ZNF284: variants seen among roughly 807,000 people sequenced by gnomAD.
ZNF284 encodes the protein zinc finger protein 284.
Under a neutral mutation model 12.9 loss-of-function variants are expected in ZNF284, and 12 were observed. The ratio of observed to expected loss-of-function variants is 0.93; its 90% CI spans 0.60 to 1.51. The LOEUF is 1.51. Among genes scored for constraint, ZNF284 ranks in the 40% most tolerant of loss-of-function variants. The probability of loss-of-function intolerance (pLI) is 0.00; values close to 1 mark genes in which losing one functional copy is unlikely to be tolerated. For missense variants in ZNF284, 667 were observed against 707.3 expected (o/e 0.94, Z 0.65); for synonymous variants, 225 against 236.5 (o/e 0.95, Z 0.45).
At chr19:44,085,541 TTA>T (rs201199267) in intron 4 of ZNF284, among the ~76,000 whole-genome samples, 171 bp from the exon 5 acceptor site, 1,793 of 152,328 alleles carry the variant, frequency 0.012, 28 homozygotes, top group African/African-American at 0.04. Context: ...GTATGAGACA[TTA>T]TGTCATTCAA....
rs780158340 is a variant in ZNF284 at position 44,082,080 on chromosome 19, A to G, written c.210A>G (p.Thr70=). The part of the protein sequence containing the change: ...QREEKFWIME[T]ATQREGNSGG... ...AAGAAAAGTTTTGGATCATGGAGACAGCAACCCAAAGAGAAGGGAATTCAG... is the reference window on the plus strand; with the variant it reads ...AAGAAAAGTTTTGGATCATGGAGACGGCAACCCAAAGAGAAGGGAATTCAG... The change falls in exon 4 of 5, where the codon ACA becomes ACG. Residue 70 remains threonine (T), a synonymous_variant. Coordinates refer to ENST00000421176, the MANE Select transcript of ZNF284 (RefSeq NM_001037813.4). 1.2e-6 allele frequency: 2 copies of G among 1,613,682 alleles called. No individual in the cohort carries two copies. Among genetic ancestry groups the G allele is most frequent in the Admixed American group, 1.7e-5 (1 of 59,968 alleles).
intron 4 of ZNF284, among the ~76,000 whole-genome samples, chr19:44,082,699 C>T (rs1967148155): frequency 6.6e-6 from 1 of 152,186 alleles, no homozygotes; most frequent in Admixed American, 6.5e-5. Flanking sequence ...AGGCACTGTC[C>T]ACACTCCTTG....
chr19:44,084,890 A>G (rs1599881074), intron 4 of ZNF284, among the ~76,000 whole-genome samples: 1 of 151,854 alleles, frequency 6.6e-6, no homozygotes, highest in East Asian at 2.0e-4. Context: ...CATCATGAGT[A>G]CCCTCTCTGA....
At chr19:44,083,499 AG>A (rs1967168423) in intron 4 of ZNF284, among the ~76,000 whole-genome samples, 3 of 71,860 alleles carry the variant, frequency 4.2e-5, no homozygotes, top group African/African-American at 8.7e-5. Flanking sequence ...AGAGAGAGAG[AG>A]AGGGAATGGA....
chr19:44,079,209 A>G (rs1363106685), intron 2 of ZNF284, among the ~76,000 whole-genome samples: 4 of 152,266 alleles, frequency 2.6e-5, no homozygotes. Flanking sequence ...ATAAAGATAG[A>G]TCATCAGTTC....
chr19:44,086,435 C>A lies in ZNF284; in HGVS notation c.957C>A (p.Thr319=). 6.2e-7 allele frequency: 1 copy of A among 1,613,966 alleles called. No homozygotes were observed. Among genetic ancestry groups the A allele is most frequent in the Non-Finnish European group, 8.5e-7 (1 of 1,179,924 alleles). ...AAGAGAAATCATTTAGATGTGATAC[C>A]TGTAGTAATAGCTTTGGTCAGAGAT... The part of the protein sequence containing the change: ...HMQEKSFRCD[T]CSNSFGQRSA... Residue 319 remains threonine (T), a synonymous_variant, in exon 5 of 5, where the codon ACC becomes ACA. Coordinates refer to ENST00000421176, the MANE Select transcript of ZNF284 (RefSeq NM_001037813.4).
At chr19:44,079,452 G>T (rs990651262) in intron 2 of ZNF284, among the ~76,000 whole-genome samples, 6 of 151,956 alleles carry the variant, frequency 3.9e-5, no homozygotes, top group Non-Finnish European at 8.8e-5. Flanking sequence ...GCTCATGCCT[G>T]TAATCCCAGC....
chr19:44,073,186 C>T (rs1210966273), intron 1 of ZNF284, among the ~76,000 whole-genome samples: 1 of 152,188 alleles, frequency 6.6e-6, no homozygotes, highest in Non-Finnish European at 1.5e-5. Context: ...GAATAGTCAC[C>T]TAAGCAGTAA....
intron 1 of ZNF284, among the ~76,000 whole-genome samples, chr19:44,074,415 T>C (rs1966998039): frequency 6.6e-6 from 1 of 152,098 alleles, no homozygotes; most frequent in Non-Finnish European, 1.5e-5. Context: ...ATTTGAAACC[T>C]ATAGAAAAAT....
rs971546211 is a variant in ZNF284, at chr19:44,084,844, C to T, written c.236-870C>T. 4.6e-5 allele frequency among the ~76,000 whole-genome samples: 7 copies of T among 152,220 alleles called. No individual in the cohort carries two copies. In the East Asian group the frequency reaches 1.4e-3, roughly 30 times the overall value. ...GTGCAGCTCTCAAAATAGCGCTGTG[C>T]CATAGCTGCTTGAGTCTCAGGAAGT... On this transcript the variant is annotated intron_variant, in intron 4 of 4. Transcript: ENST00000421176.
At chr19:44,082,948 G>A (rs1307874765) in intron 4 of ZNF284, among the ~76,000 whole-genome samples, 3 of 152,044 alleles carry the variant, frequency 2.0e-5, no homozygotes, top group Admixed American at 6.6e-5. Context: ...CAGGTTCATA[G>A]GTCCTGGGAA....
intron 4 of ZNF284, among the ~76,000 whole-genome samples, chr19:44,084,161 A>T (rs1483145861): frequency 6.6e-6 from 1 of 152,190 alleles, no homozygotes; most frequent in African/African-American, 2.4e-5. Context: ...TGGTGCAGGC[A>T]GATGTAGGCT....
At chr19:44,076,832 T>C (rs1216551727) in intron 2 of ZNF284, among the ~76,000 whole-genome samples, 2 of 151,776 alleles carry the variant, frequency 1.3e-5, no homozygotes, top group Non-Finnish European at 2.9e-5. Context: ...TTTTTTTTTT[T>C]TCCTCGAGAC....
intron 2 of ZNF284, among the ~76,000 whole-genome samples, chr19:44,078,032 A>G (rs1311480749): frequency 1.3e-5 from 2 of 152,226 alleles, no homozygotes; most frequent in Admixed American, 1.3e-4. Context: ...ATAGAGTGTT[A>G]CCAGGGAATA....
At chr19:44,079,586 G>A (rs1307432077) in intron 2 of ZNF284, among the ~76,000 whole-genome samples, 1 of 151,420 alleles carries the variant, frequency 6.6e-6, no homozygotes, top group East Asian at 1.9e-4. Flanking sequence ...GTGGGCGCCT[G>A]TAGTCCCAGC....
rs755514930 is a variant in ZNF284, at chr19:44,086,936, A to C, written c.1458A>C (p.Glu486Asp). The C allele has an allele frequency of 1.2e-6, 2 of 1,614,230 alleles. No homozygotes were observed. Among genetic ancestry groups the C allele is most frequent in the Non-Finnish European group, 1.7e-6 (2 of 1,180,046 alleles). ...LHTGEKPFKC[E>D]ECGKRFTENS... ...CTGGAGAAAAACCATTCAAATGTGA[A>C]GAGTGTGGGAAGAGGTTTACTGAGA... The change falls in exon 5 of 5, where the codon GAA (glutamate) becomes GAC (aspartate). Residue 486 changes from glutamate (E) to aspartate (D), a missense_variant. Transcript: ENST00000421176.
intron 2 of ZNF284, among the ~76,000 whole-genome samples, chr19:44,078,703 C>T (rs1967071548): frequency 6.6e-6 from 1 of 152,132 alleles, no homozygotes; most frequent in African/African-American, 2.4e-5. Flanking sequence ...CAAGCAATCC[C>T]CCCACCTTAG....
intron 3 of ZNF284, 150 bp downstream of exon 3, chr19:44,081,291 G>C: frequency 3.7e-6 from 4 of 1,087,890 alleles, no homozygotes; most frequent in Non-Finnish European, 3.7e-6. Flanking sequence ...TTGACTCACA[G>C]TTCTGCATGG....
intron 2 of ZNF284, among the ~76,000 whole-genome samples, chr19:44,078,250 G>A (rs1286542429): frequency 6.6e-6 from 1 of 152,078 alleles, no homozygotes; most frequent in Admixed American, 6.5e-5. Flanking sequence ...TCAAATACAT[G>A]GGATTAATAA....
Sources: gnomAD v4.1 joint callset for allele counts (sites outside exome capture counted in the v4.1 genomes callset) on GRCh38, gnomAD v4.1.1 for gene constraint, MANE v1.5 for transcripts, NCBI Gene and HGNC (gene_info 2026-07-23, HGNC 2026-07-21) for gene names.